SPRED2: variants seen among roughly 807,000 people sequenced by gnomAD.
The protein encoded by SPRED2 is sprouty-related, EVH1 domain-containing protein 2.
Under a neutral mutation model 43.0 loss-of-function variants are expected in SPRED2, and 47 were observed. The observed-to-expected ratio is 1.09, with a 90% CI of 0.87 to 1.40. The LOEUF (loss-of-function observed/expected upper bound fraction) is 1.40. SPRED2 is among the 40% of genes most tolerant of loss of function. The pLI, the probability that SPRED2 is intolerant of heterozygous loss-of-function variation, is 0.00. For missense variants in SPRED2, 561 were observed against 586.4 expected (o/e 0.96, Z 0.45); for synonymous variants, 225 against 225.7 (o/e 1.00, Z 0.03).
intron 3 of SPRED2, among the ~76,000 whole-genome samples, chr2:65,333,508 A>G (rs1673876111): frequency 6.6e-6 from 1 of 152,222 alleles, no homozygotes; most frequent in Admixed American, 6.5e-5. Flanking sequence ...GTATGTATAT[A>G]GAGAAAAAAA....
At chr2:65,416,123 G>C (rs1024655203) in intron 1 of SPRED2, among the ~76,000 whole-genome samples, 1 of 152,204 alleles carries the variant, frequency 6.6e-6, no homozygotes, top group African/African-American at 2.4e-5. Context: ...AAGCATGTTA[G>C]AATCTCTTGG....
Position 65,401,937 on chromosome 2 carries a change from G to GCGCGCGCACACACACACACACA in SPRED2, c.26+30024_26+30025insTGTGTGTGTGTGTGTGCGCGCG, listed in dbSNP as rs776512353. On this transcript the variant is annotated intron_variant, in intron 1 of 5. Transcript: ENST00000356388. ...ACGATCAGAATATTAGCGCGCGCGC[G>GCGCGCGCACACACACACACACA]CACACACACACACACACACACACAC... Among the ~76,000 whole-genome samples the GCGCGCGCACACACACACACACA allele has an allele frequency of 9.5e-4, 109 of 114,758 alleles. 1 individual carries two copies. Among genetic ancestry groups the GCGCGCGCACACACACACACACA allele is most frequent in the Non-Finnish European group, 1.8e-3 (98 of 53,644 alleles). The allele number at this position is 114,758 out of a possible 152,430, so 75.3% of individuals were successfully genotyped here.
At chr2:65,393,326 C>G (rs1572890405) in intron 1 of SPRED2, among the ~76,000 whole-genome samples, 1 of 141,726 alleles carries the variant, frequency 7.1e-6, no homozygotes, top group African/African-American at 2.6e-5. Context: ...AATCATAAGG[C>G]TTTTTTTTTT....
intron 4 of SPRED2, among the ~76,000 whole-genome samples, chr2:65,327,192 A>G (rs553663886): frequency 2.0e-5 from 3 of 152,292 alleles, no homozygotes; most frequent in South Asian, 2.1e-4. Flanking sequence ...TTGATATGAA[A>G]GAAAAGGACT....
At chr2:65,368,599 G>T (rs913596101) in intron 1 of SPRED2, among the ~76,000 whole-genome samples, 2 of 152,118 alleles carry the variant, frequency 1.3e-5, no homozygotes, top group African/African-American at 4.8e-5. Flanking sequence ...ATAATAATGT[G>T]TGCACACATG....
chr2:65,407,599 C>T (rs1676056378), intron 1 of SPRED2, among the ~76,000 whole-genome samples: 1 of 152,188 alleles, frequency 6.6e-6, no homozygotes, highest in South Asian at 2.1e-4. Context: ...CTGTCATGCA[C>T]ATCCCTGTTC....
At chr2:65,338,966 G>A (rs2104239899) in intron 2 of SPRED2, among the ~76,000 whole-genome samples, 1 of 145,422 alleles carries the variant, frequency 6.9e-6, no homozygotes, top group East Asian at 2.0e-4. Flanking sequence ...TCCGGGAGGT[G>A]AGGGGCGCCT....
chr2:65,372,455 C>T (rs909415040), intron 1 of SPRED2, among the ~76,000 whole-genome samples: 3 of 152,134 alleles, frequency 2.0e-5, no homozygotes, highest in African/African-American at 4.8e-5. Flanking sequence ...GGAATGGTTG[C>T]GGCATTCAGG....
At chr2:65,328,204 G>A (rs1270018355) in intron 4 of SPRED2, among the ~76,000 whole-genome samples, 1 of 152,062 alleles carries the variant, frequency 6.6e-6, no homozygotes, top group Non-Finnish European at 1.5e-5. Flanking sequence ...AATGAGACTG[G>A]GGCTTTCAAG....
chr2:65,394,846 G>A (rs963970009), intron 1 of SPRED2, among the ~76,000 whole-genome samples: 2 of 152,198 alleles, frequency 1.3e-5, no homozygotes, highest in African/African-American at 2.4e-5. Flanking sequence ...TTTATATGAA[G>A]AGAAAATAAA....
chr2:65,347,271 A>G (rs1674378614), intron 1 of SPRED2, among the ~76,000 whole-genome samples: 1 of 152,000 alleles, frequency 6.6e-6, no homozygotes, highest in East Asian at 1.9e-4. Context: ...GTGGAGTTAA[A>G]TCCTACCATC....
intron 1 of SPRED2, among the ~76,000 whole-genome samples, chr2:65,379,713 G>T (rs1675328050): frequency 6.6e-6 from 1 of 152,130 alleles, no homozygotes; most frequent in African/African-American, 2.4e-5. Flanking sequence ...GCAATAGAGA[G>T]CAGGGCTGGA....
At chr2:65,417,010 C>T (rs1676290155) in intron 1 of SPRED2, among the ~76,000 whole-genome samples, 1 of 152,146 alleles carries the variant, frequency 6.6e-6, no homozygotes, top group Non-Finnish European at 1.5e-5. Context: ...CCTCCTTCTT[C>T]TCTCTCTTTG....
chr2:65,313,497 T>C lies in SPRED2; in HGVS notation c.*4A>G, dbSNP rs1462824704. 2 of 1,592,316 alleles carry C rather than the reference T, an allele frequency of 1.3e-6. No homozygotes were observed. The highest frequency in any genetic ancestry group is 8.5e-7 in the Non-Finnish European group (1 of 1,169,738). Reference sequence around the variant, plus strand: ...GGATGGAGGGAGAAGGGAGGGAAACTGAGTCACGCGGCCGCTTTGTGCTTC... The same window carrying C: ...GGATGGAGGGAGAAGGGAGGGAAACCGAGTCACGCGGCCGCTTTGTGCTTC... On this transcript the variant is annotated 3_prime_UTR_variant, in exon 6 of 6. Coordinates refer to ENST00000356388, the MANE Select transcript of SPRED2 (RefSeq NM_181784.3).
chr2:65,401,376 AC>A (rs984930069), intron 1 of SPRED2, among the ~76,000 whole-genome samples: 8 of 151,326 alleles, frequency 5.3e-5, no homozygotes, highest in Non-Finnish European at 8.8e-5. Context: ...TAGCAAGAAG[AC>A]CCCCCCAGGT....
intron 1 of SPRED2, chr2:65,377,923 C>G: frequency 3.2e-6 from 1 of 314,452 alleles, no homozygotes; most frequent in Non-Finnish European, 6.4e-6. Context: ...AGGTTCTATT[C>G]TAAGTTTACC....
chr2:65,352,458 T>C (rs751378330), intron 1 of SPRED2, among the ~76,000 whole-genome samples: 18 of 152,266 alleles, frequency 1.2e-4, no homozygotes, highest in Non-Finnish European at 2.1e-4. Flanking sequence ...AACACTTTCC[T>C]GTGAGCTCAC....
At chr2:65,331,766 T>C (rs1357723150) in intron 4 of SPRED2, among the ~76,000 whole-genome samples, 1 of 152,214 alleles carries the variant, frequency 6.6e-6, no homozygotes, top group African/African-American at 2.4e-5. Flanking sequence ...GAGCTGACAC[T>C]GCTGTGCTGT....
chr2:65,337,686 TAG>T (rs931160143), intron 2 of SPRED2, among the ~76,000 whole-genome samples: 1 of 152,226 alleles, frequency 6.6e-6, no homozygotes, highest in Non-Finnish European at 1.5e-5. Context: ...AAATATGTCA[TAG>T]AGATACAGGA....
Sources: allele counts gnomAD v4.1 joint callset (sites outside exome capture counted in the v4.1 genomes callset), GRCh38; gene constraint gnomAD v4.1.1; transcripts MANE v1.5; gene names NCBI Gene and HGNC (gene_info 2026-07-23, HGNC 2026-07-21).